The following PLCE1 variants were observed in gnomAD, a reference collection of about 807,000 sequenced individuals.
PLCE1 encodes the protein phospholipase C epsilon 1, also known as 1-phosphatidylinositol 4,5-bisphosphate phosphodiesterase epsilon-1.
PLCE1 carries 119 observed loss-of-function variants against 242.8 expected under a neutral mutation model. The ratio of observed to expected loss-of-function variants is 0.49; its 90% CI spans 0.42 to 0.57. The LOEUF is 0.57. Among genes scored for constraint, PLCE1 ranks in the 20% least tolerant of loss-of-function variants. PLCE1 has a pLI of 0.00. For synonymous variants in PLCE1, 945 were observed against 1,017.4 expected, an observed-to-expected ratio of 0.93 and a Z score of 1.35; for missense variants, 2,441 against 2,788.8, an observed-to-expected ratio of 0.88 and a Z score of 2.81.
At chr10:94,254,152 A>C (rs370422476) in intron 9 of PLCE1, 38 bp from the exon 10 acceptor site, 1 of 1,461,616 alleles carries the variant, frequency 6.8e-7, no homozygotes, top group Non-Finnish European at 9.6e-7. Flanking sequence ...TGGGAGAGAA[A>C]TACAGGCTTG....
intron 3 of PLCE1, among the ~76,000 whole-genome samples, chr10:94,148,414 G>A (rs1455820662): frequency 3.3e-5 from 5 of 152,078 alleles, no homozygotes; most frequent in Non-Finnish European, 7.4e-5. Flanking sequence ...GGGAAGATAG[G>A]CATCCAGGAC....
intron 2 of PLCE1, among the ~76,000 whole-genome samples, chr10:94,039,951 A>C (rs552222586): frequency 5.3e-5 from 8 of 152,200 alleles, no homozygotes; most frequent in Non-Finnish European, 1.2e-4. Context: ...TGGTTTGCAA[A>C]ATAGATTTAG....
At chr10:94,286,093 T>A (rs1020484465) in intron 22 of PLCE1, among the ~76,000 whole-genome samples, 2 of 151,994 alleles carry the variant, frequency 1.3e-5, no homozygotes, top group African/African-American at 4.8e-5. Flanking sequence ...CTCAGAAAAA[T>A]TCATCTCCTC....
chr10:94,236,261 T>C, intron 7 of PLCE1, 141 bp downstream of exon 7: 1 of 696,508 alleles, frequency 1.4e-6, no homozygotes, highest in Non-Finnish European at 2.5e-6. Flanking sequence ...CTTCTTTATC[T>C]TCAAACCTTA....
intron 2 of PLCE1, among the ~76,000 whole-genome samples, chr10:94,103,893 C>T (rs1004818814): frequency 3.3e-5 from 5 of 152,216 alleles, no homozygotes; most frequent in African/African-American, 9.6e-5. Context: ...ATTCTCATTT[C>T]GGGTCTACCA....
chr10:94,151,623 C>T (rs188432857), intron 3 of PLCE1, among the ~76,000 whole-genome samples: 10 of 152,192 alleles, frequency 6.6e-5, no homozygotes, highest in South Asian at 4.2e-4. Flanking sequence ...TGCTTAACTG[C>T]GATGGTTACA....
At chr10:94,157,304 A>G (rs2047464080) in intron 3 of PLCE1, among the ~76,000 whole-genome samples, 1 of 152,228 alleles carries the variant, frequency 6.6e-6, no homozygotes, top group Non-Finnish European at 1.5e-5. Flanking sequence ...TGATGATAAT[A>G]AGATGGCTGA....
chr10:94,102,370 C>T (rs1435249316), intron 2 of PLCE1, among the ~76,000 whole-genome samples: 1 of 152,198 alleles, frequency 6.6e-6, no homozygotes, highest in African/African-American at 2.4e-5. Context: ...CAATCCCAAG[C>T]AGTTGCACCA....
intron 2 of PLCE1, among the ~76,000 whole-genome samples, chr10:94,048,186 T>C (rs2043649290): frequency 1.3e-5 from 2 of 152,212 alleles, no homozygotes; most frequent in Admixed American, 1.3e-4. Context: ...TTGATGGACA[T>C]TTAGAGTGTT....
intron 24 of PLCE1, among the ~76,000 whole-genome samples, chr10:94,299,200 T>C (rs1312903716): frequency 6.6e-6 from 1 of 152,208 alleles, no homozygotes; most frequent in African/African-American, 2.4e-5. Flanking sequence ...GTAGTGATCA[T>C]GTTTCTCCAA....
intron 2 of PLCE1, among the ~76,000 whole-genome samples, chr10:94,041,014 A>C (rs2061756161): frequency 6.6e-6 from 1 of 152,112 alleles, no homozygotes; most frequent in African/African-American, 2.4e-5. Context: ...CAGAAACTAA[A>C]ATATTTGTTA....
rs920758937 is a variant in PLCE1, at chr10:94,293,524, T to C, written c.5052T>C (p.Asn1684=). The change falls in exon 23 of 33, where the codon AAT becomes AAC. Residue 1684 remains asparagine (N), a synonymous_variant. Transcript: ENST00000371380. ...TGGGAACAGGACTGTCAACTCTAAA[T>C]GCATCTGGCTCTAGCAGAGGAAAAG... ...AVKFPGLSTL[N]ASGSSRGKER... is the part of the protein sequence containing the mutation. 2 of 1,613,626 alleles carry C rather than the reference T, an allele frequency of 1.2e-6. No individual in the cohort carries two copies. Among genetic ancestry groups the C allele is most frequent in the Non-Finnish European group, 1.7e-6 (2 of 1,179,738 alleles).
intron 2 of PLCE1, among the ~76,000 whole-genome samples, chr10:94,045,709 C>G (rs2061868165): frequency 6.6e-6 from 1 of 152,212 alleles, no homozygotes; most frequent in Non-Finnish European, 1.5e-5. Context: ...TGCATACATT[C>G]CTGAAACAGA....
At chr10:94,294,196 CCTTGGAACATT>C (rs970093974) in intron 23 of PLCE1, among the ~76,000 whole-genome samples, 1 of 152,118 alleles carries the variant, frequency 6.6e-6, no homozygotes, top group East Asian at 1.9e-4. Flanking sequence ...ATTAGAGGCA[CCTTGGAACATT>C]CTTGGAACAT....
intron 13 of PLCE1, among the ~76,000 whole-genome samples, chr10:94,260,620 TTATTA>T (rs1458363534): frequency 6.6e-6 from 1 of 151,566 alleles, no homozygotes; most frequent in Non-Finnish European, 1.5e-5. Flanking sequence ...CTATTATATT[TTATTA>T]TTTTATTATT....
chr10:94,004,646 C>A (rs1564618649), intron 1 of PLCE1, among the ~76,000 whole-genome samples: 1 of 152,072 alleles, frequency 6.6e-6, no homozygotes, highest in Non-Finnish European at 1.5e-5. Flanking sequence ...ACGTGTTGCC[C>A]CTCATCCTTG....
chr10:94,324,803 A>G (rs1367880808), intron 31 of PLCE1, 89 bp from the exon 32 acceptor site: 3 of 1,331,528 alleles, frequency 2.3e-6, no homozygotes, highest in African/African-American at 2.9e-5. Flanking sequence ...CTCTAGAGAG[A>G]AGAGGAAAGC....
At chr10:94,151,102 C>G (rs763752166) in intron 3 of PLCE1, among the ~76,000 whole-genome samples, 2 of 152,188 alleles carry the variant, frequency 1.3e-5, no homozygotes, top group Admixed American at 6.5e-5. Context: ...AATTTGAGGT[C>G]TCCCCCAGAC....
chr10:94,260,360 C>T (rs2051254479), intron 13 of PLCE1, among the ~76,000 whole-genome samples: 1 of 152,178 alleles, frequency 6.6e-6, no homozygotes, highest in African/African-American at 2.4e-5. Context: ...ACCACCCATG[C>T]ATTTTCTAAC....
Sources: allele counts gnomAD v4.1 joint callset (sites outside exome capture counted in the v4.1 genomes callset), GRCh38; gene constraint gnomAD v4.1.1; transcripts MANE v1.5; gene names NCBI Gene and HGNC (gene_info 2026-07-23, HGNC 2026-07-21).